Variants in TMEM19 observed in about 807,000 individuals in gnomAD.
The protein encoded by TMEM19 is transmembrane protein 19.
A neutral mutation model predicts 33.6 loss-of-function variants in TMEM19; 21 were observed. The observed-to-expected ratio is 0.62, with a 90% CI of 0.44 to 0.90. The LOEUF is 0.90. Ranked by LOEUF, TMEM19 falls within the 40% of genes least tolerant of loss-of-function variation. TMEM19 has a pLI of 0.00. For missense variants in TMEM19, 402 were observed against 401.8 expected, an observed-to-expected ratio of 1.00 and a Z score of 0.00; for synonymous variants, 149 against 147.5, an observed-to-expected ratio of 1.01 and a Z score of -0.07.
At chr12:71,697,569 C>A in intron 4 of TMEM19, 35 bp downstream of exon 4, 1 of 1,548,944 alleles carries the variant, frequency 6.5e-7, no homozygotes, top group Non-Finnish European at 8.6e-7. Context: ...CATTGGTAGA[C>A]ACAGTTGGTG....
chr12:71,686,496 A>G lies in TMEM19; in HGVS notation c.-185A>G. On this transcript the variant is annotated 5_prime_UTR_variant, in exon 1 of 6. Coordinates refer to ENST00000266673, the MANE Select transcript of TMEM19 (RefSeq NM_018279.4). ...CGTTGACCACGCCCATATGAATTGG[A>G]GCTCTCCGCCAGTAGGAGTTTCCGG... The G allele has an allele frequency of 1.8e-6, 1 of 564,938 alleles. No individual in the cohort carries two copies. The allele number at this position is 564,938 out of a possible 1,614,324, so 35.0% of individuals were successfully genotyped here.
Position 71,698,894 on chromosome 12 carries a change from C to CTGCA in TMEM19, c.638-5_638-4insGCAT, listed in dbSNP as rs776552763. ...CCGGATGATTTTCTGCATGTTTCTT[C>CTGCA]TTCAGGTACCAATGGAGGAGTTACA... is the stretch of plus-strand genomic sequence containing the variant. On this transcript the variant is annotated splice_polypyrimidine_tract_variant and splice_region_variant and intron_variant, in intron 4 of 5. Transcript: ENST00000266673. 1 of 1,613,436 alleles carries CTGCA rather than the reference C, an allele frequency of 6.2e-7. No individual in the cohort carries two copies. The highest frequency in any genetic ancestry group is 1.1e-5 in the South Asian group (1 of 91,042).
intron 5 of TMEM19, chr12:71,699,491 G>C (rs532228686): frequency 5.4e-5 from 16 of 296,846 alleles, no homozygotes; most frequent in Non-Finnish European, 7.5e-5. Flanking sequence ...CTATACACAC[G>C]ACCTACTTTC....
chr12:71,700,495 C>A (rs570561179), intron 5 of TMEM19, among the ~76,000 whole-genome samples: 1 of 152,252 alleles, frequency 6.6e-6, no homozygotes, highest in South Asian at 2.1e-4. Context: ...AGTTTCATGC[C>A]CTCTCTGCTT....
In TMEM19 at chr12:71,686,791, G is replaced by T. The variant is rs1881697992; in HGVS notation, c.111G>T (p.Met37Ile). 6.2e-7 allele frequency: 1 copy of T among 1,611,622 alleles called. No homozygotes were observed. ...CGTTAGCTTTCTGGATTATATCAATGACTGCAAGCACCTATTATGGTAAGT... is the reference window on the plus strand; with the variant it reads ...CGTTAGCTTTCTGGATTATATCAATTACTGCAAGCACCTATTATGGTAAGT... ...CISLAFWIIS[M>I]TASTYYGNLR... The change falls in exon 1 of 6, where the codon ATG becomes ATT. Residue 37 changes from methionine (M) to isoleucine (I), a missense_variant. Physicochemically the swap from Met to Ile is conservative, Grantham distance 10. Coordinates refer to ENST00000266673, the MANE Select transcript of TMEM19 (RefSeq NM_018279.4).
intron 5 of TMEM19, chr12:71,699,670 G>C (rs1881942232): frequency 6.5e-6 from 1 of 154,556 alleles, no homozygotes; most frequent in Non-Finnish European, 1.4e-5. Context: ...GGCCAACATG[G>C]TGAAACCCCA....
At chr12:71,689,744 G>T (rs756267374) in intron 2 of TMEM19, 40 bp downstream of exon 2, 9 of 1,342,572 alleles carry the variant, frequency 6.7e-6, no homozygotes, top group Non-Finnish European at 9.4e-6. Context: ...ACTACTAAGT[G>T]CTTGCTTATA....
At chr12:71,689,379 G>A (rs1232337665) in intron 1 of TMEM19, among the ~76,000 whole-genome samples, 1 of 152,126 alleles carries the variant, frequency 6.6e-6, no homozygotes, top group African/African-American at 2.4e-5. Flanking sequence ...ACAGTCTGAC[G>A]TTTGCATAAC....
chr12:71,686,548 A>C lies in TMEM19; in HGVS notation c.-133A>C. 9.7e-7 allele frequency: 1 copy of C among 1,028,704 alleles called. No homozygotes were observed. The highest frequency in any genetic ancestry group is 2.7e-5 in the East Asian group (1 of 36,728). The allele number at this position is 1,028,704 out of a possible 1,614,324, so 63.7% of individuals were successfully genotyped here. On this transcript the variant is annotated 5_prime_UTR_variant, in exon 1 of 6. The change abolishes an upstream ATG in the 5' untranslated region. Transcript: ENST00000266673. ...AGGAGTTTGAATTTTTGTGATTTTTATGCTTGTTTGGTCGGTGGAATATGT... is the reference window on the plus strand; with the variant it reads ...AGGAGTTTGAATTTTTGTGATTTTTCTGCTTGTTTGGTCGGTGGAATATGT...
Position 71,703,222 on chromosome 12 carries a change from A to AAAAAAAAAAAAT in TMEM19, c.*2231_*2232insAAAAAAATAAAA, listed in dbSNP as rs1565859240. 1 of 139,680 alleles carries AAAAAAAAAAAAT rather than the reference A, an allele frequency of 7.2e-6. No individual in the cohort carries two copies. The highest frequency in any genetic ancestry group is 3.0e-5 in the African/African-American group (1 of 33,706). The allele number at this position is 139,680 out of a possible 1,614,324, so 8.7% of individuals were successfully genotyped here. On this transcript the variant is annotated 3_prime_UTR_variant, in exon 6 of 6. Coordinates refer to ENST00000266673, the MANE Select transcript of TMEM19 (RefSeq NM_018279.4). The stretch of plus-strand genomic sequence containing the variant: ...AAAAAAAAAAAAAAAAAAAAAAAAA[A>AAAAAAAAAAAAT]AAAAGAATATTCTAAGCACTAGAAC...
rs767471117 is a variant in TMEM19 at position 71,703,733 on chromosome 12, T to C, written c.*2738T>C. ...AAATATACTCCTATTTTTGTGGTGA[T>C]TTATGAACATCCCCACTAAGTATAA... On this transcript the variant is annotated 3_prime_UTR_variant, in exon 6 of 6. Coordinates refer to ENST00000266673, the MANE Select transcript of TMEM19 (RefSeq NM_018279.4). 12 of 187,076 alleles carry C rather than the reference T, an allele frequency of 6.4e-5. No individual in the cohort carries two copies. Among genetic ancestry groups the C allele is most frequent in the Non-Finnish European group, 1.1e-4 (10 of 87,442 alleles). 11.6% of individuals were successfully genotyped at this position (187,076 alleles called of 1,614,324 possible). A position where few individuals can be genotyped will look rare whatever the true frequency, so the allele number is the denominator to read the frequency against.
intron 4 of TMEM19, among the ~76,000 whole-genome samples, chr12:71,698,138 T>G (rs1001456141): frequency 4.6e-5 from 7 of 152,222 alleles, no homozygotes; most frequent in African/African-American, 9.6e-5. Flanking sequence ...AAGAGAATAC[T>G]CAACCTATAC....
intron 4 of TMEM19, 73 bp from the exon 5 acceptor site, chr12:71,698,827 G>T: frequency 7.5e-7 from 1 of 1,324,588 alleles, no homozygotes; most frequent in South Asian, 1.2e-5. Context: ...GATTAGATAG[G>T]TACCTTGCTG....
At chr12:71,691,705 T>G (rs1267060010) in intron 2 of TMEM19, among the ~76,000 whole-genome samples, 10 of 148,174 alleles carry the variant, frequency 6.7e-5, no homozygotes, top group African/African-American at 2.5e-4. Context: ...GCCACTTCAG[T>G]CAGCTTGGGC....
At chr12:71,691,797 A>G (rs902679691) in intron 2 of TMEM19, among the ~76,000 whole-genome samples, 3 of 151,028 alleles carry the variant, frequency 2.0e-5, no homozygotes, top group African/African-American at 7.3e-5. Flanking sequence ...ATTCTTATAG[A>G]AAAAAAGGTC....
intron 5 of TMEM19, chr12:71,699,402 G>T (rs965532277): frequency 1.9e-6 from 1 of 534,846 alleles, no homozygotes; most frequent in Non-Finnish European, 3.3e-6. Flanking sequence ...AAAGCAAGAC[G>T]TTTGGGATCA....
chr12:71,698,803 T>C (rs1881925585), intron 4 of TMEM19, 97 bp from the exon 5 acceptor site: 2 of 1,082,382 alleles, frequency 1.8e-6, no homozygotes, highest in Non-Finnish European at 2.7e-6. Flanking sequence ...GAATGCTTTC[T>C]TTAAATTAGT....
In TMEM19 at chr12:71,701,718, C is replaced by T. The variant is rs911107250; in HGVS notation, c.*723C>T. On this transcript the variant is annotated 3_prime_UTR_variant, in exon 6 of 6. Transcript: ENST00000266673. ...TAACTTACTATATGTTTCAGTTGCT[C>T]TCTGAACAAAAATTATCTTCAATTT... is the stretch of plus-strand genomic sequence containing the variant. 1 of 152,110 alleles carries T rather than the reference C, an allele frequency of 6.6e-6. No homozygotes were observed. Among genetic ancestry groups the T allele is most frequent in the African/African-American group, 2.4e-5 (1 of 41,424 alleles). 9.4% of individuals were successfully genotyped at this position (152,110 alleles called of 1,614,324 possible). A position where few individuals can be genotyped will look rare whatever the true frequency, so the allele number is the denominator to read the frequency against.
At position 71,686,225 on chromosome 12, in the gene TMEM19, G is replaced by A. The variant is rs532629851; in HGVS notation, c.-456G>A. ...ACGTGACTGCGTTCAGCCGCGTCGG[G>A]CGTGCTTCCCAGACTTGCCCAAGTT... On this transcript the variant is annotated 5_prime_UTR_variant, in exon 1 of 6. Coordinates refer to ENST00000266673, the MANE Select transcript of TMEM19 (RefSeq NM_018279.4). 8.1e-5 allele frequency: 16 copies of A among 197,914 alleles called. No homozygotes were observed. In the South Asian group the frequency reaches 1.2e-3, roughly 14 times the overall value. The allele number at this position is 197,914 out of a possible 1,614,324, so 12.3% of individuals were successfully genotyped here.
Sources: gnomAD v4.1 joint callset for allele counts (sites outside exome capture counted in the v4.1 genomes callset) on GRCh38, gnomAD v4.1.1 for gene constraint, MANE v1.5 for transcripts, NCBI Gene and HGNC (gene_info 2026-07-23, HGNC 2026-07-21) for gene names.